PCDHGC5: variants seen among roughly 807,000 people sequenced by gnomAD.
The protein encoded by PCDHGC5 is protocadherin gamma subfamily C, 5.
A neutral mutation model predicts 59.0 loss-of-function variants in PCDHGC5; 25 were observed. The ratio of observed to expected loss-of-function variants is 0.42; its 90% CI spans 0.31 to 0.59. PCDHGC5 has a LOEUF of 0.59. Ranked by LOEUF, PCDHGC5 falls within the 20% of genes least tolerant of loss-of-function variation. PCDHGC5 has a pLI of 0.13. For missense variants in PCDHGC5, 1,067 were observed against 1,206.4 expected (o/e 0.88, Z 1.71); for synonymous variants, 434 against 505.5 (o/e 0.86, Z 1.90).
In PCDHGC5 at chr5:141,489,645, C is replaced by T; in HGVS notation, c.405C>T (p.Thr135=). 1.2e-6 allele frequency: 2 copies of T among 1,614,156 alleles called. No homozygotes were observed. The highest frequency in any genetic ancestry group is 2.7e-5 in the African/African-American group (2 of 75,022). Residue 135 remains threonine (T), a synonymous_variant, in exon 1 of 4, where the codon ACC becomes ACT. Transcript: ENST00000252087. This position sits in a 1 kb window ranked among gnomAD's most constrained non-coding sequence, Gnocchi z 4.5. ...ATGACAACTCTCCTAGCTTTGCCAC[C>T]CCTGAGCGAGAGATGCGCATCTCAG... The part of the protein sequence containing the change: ...DLNDNSPSFA[T]PEREMRISES...
intron 3 of PCDHGC5, among the ~76,000 whole-genome samples, chr5:141,510,660 G>A (rs2099882170): frequency 1.3e-5 from 2 of 152,174 alleles, no homozygotes; most frequent in East Asian, 1.9e-4. Context: ...TTTTGCAGAT[G>A]AGAAAACTGA....
chr5:141,499,836 A>G (rs2099794751), intron 2 of PCDHGC5, among the ~76,000 whole-genome samples: 1 of 151,894 alleles, frequency 6.6e-6, no homozygotes, highest in African/African-American at 2.4e-5. Flanking sequence ...ACAGGTGTGC[A>G]CCACCACACA....
chr5:141,492,332 G>A (rs2099739439), intron 1 of PCDHGC5, among the ~76,000 whole-genome samples: 1 of 152,204 alleles, frequency 6.6e-6, no homozygotes. Flanking sequence ...GGGCTTACGC[G>A]AATACCAGCT....
At chr5:141,501,510 T>G (rs11744379) in intron 2 of PCDHGC5, among the ~76,000 whole-genome samples, 29,206 of 151,772 alleles carry the variant, frequency 0.19, 2,837 homozygotes, top group Middle Eastern at 0.24. Context: ...CTCCAAGGCC[T>G]CCAAGCTGAA....
intron 1 of PCDHGC5, among the ~76,000 whole-genome samples, chr5:141,494,547 C>T (rs2099755185): frequency 6.6e-6 from 1 of 152,106 alleles, no homozygotes; most frequent in East Asian, 1.9e-4. Context: ...GAGGAAGGGG[C>T]CATTTCTTTA....
chr5:141,508,269 C>T (rs1459186158), intron 3 of PCDHGC5: 1 of 152,186 alleles, frequency 6.6e-6, no homozygotes, highest in East Asian at 1.9e-4. Flanking sequence ...GAGAAAATCC[C>T]GGTCCTTGAC....
At chr5:141,499,828 A>G (rs921957227) in intron 2 of PCDHGC5, among the ~76,000 whole-genome samples, 1 of 151,834 alleles carries the variant, frequency 6.6e-6, no homozygotes, top group Non-Finnish European at 1.5e-5. Context: ...CTAGGATTAC[A>G]GGTGTGCACC....
At chr5:141,504,303 G>A (rs1157625808) in intron 2 of PCDHGC5, among the ~76,000 whole-genome samples, 4 of 151,938 alleles carry the variant, frequency 2.6e-5, no homozygotes, top group Admixed American at 2.6e-4. Context: ...TTCAACACTC[G>A]GAGTTTCTAA....
At chr5:141,501,602 A>T (rs766918685) in intron 2 of PCDHGC5, among the ~76,000 whole-genome samples, 1 of 152,026 alleles carries the variant, frequency 6.6e-6, no homozygotes. Flanking sequence ...TACCAGTTCC[A>T]GCTGTGTGAC....
Position 141,489,361 on chromosome 5 carries a change from C to A in PCDHGC5, c.121C>A (p.Pro41Thr). ...TTACTCAGTGGTGGAGGAGTCTGAG[C>A]CGGGGACGCTGGTGGGGAATGTTGC... ...LRYSVVEESE[P>T]GTLVGNVAQD... Residue 41 changes from proline to threonine, a missense_variant, in exon 1 of 4, where the codon CCG becomes ACG. Physicochemically the swap from Pro to Thr is conservative, Grantham distance 38 (BLOSUM62 -1). Transcript: ENST00000252087. This position sits in a 1 kb window ranked among gnomAD's most constrained non-coding sequence, Gnocchi z 4.5. 1 of 1,612,880 alleles carries A rather than the reference C, an allele frequency of 6.2e-7. No individual in the cohort carries two copies. The highest frequency in any genetic ancestry group is 8.5e-7 in the Non-Finnish European group (1 of 1,179,164).
Position 141,490,749 on chromosome 5 carries a change from C to T in PCDHGC5, c.1509C>T (p.Ala503=), listed in dbSNP as rs777124697. 3.1e-6 allele frequency: 5 copies of T among 1,614,098 alleles called. No individual in the cohort carries two copies. The South Asian group carries it at 5.5e-5, about 18-fold the overall frequency. ...IVGNQVQGAP[A]SSFVYVNPED... ...GAAATCAGGTTCAGGGAGCCCCAGC[C>T]TCCTCCTTTGTGTATGTCAACCCAG... The change falls in exon 1 of 4, where the codon GCC becomes GCT. Residue 503 remains alanine, a synonymous_variant. Coordinates refer to ENST00000252087, the MANE Select transcript of PCDHGC5 (RefSeq NM_018929.3). The surrounding 1 kb of genome is among the most constrained non-coding windows in gnomAD (Gnocchi z 5.4).
intron 3 of PCDHGC5, among the ~76,000 whole-genome samples, chr5:141,509,040 C>T (rs1217864661): frequency 6.6e-6 from 1 of 152,132 alleles, no homozygotes; most frequent in African/African-American, 2.4e-5. Context: ...CAACCCCTCT[C>T]CCCCGCCCCC....
chr5:141,502,667 T>G (rs2099815574), intron 2 of PCDHGC5, among the ~76,000 whole-genome samples: 1 of 152,236 alleles, frequency 6.6e-6, no homozygotes. Context: ...TTCATGCAAT[T>G]TTAGTATTCC....
Position 141,511,042 on chromosome 5 carries a change from G to C in PCDHGC5, c.2704G>C (p.Asp902His), listed in dbSNP as rs774071540. Residue 902 changes from aspartate (D) to histidine (H), a missense_variant, in exon 4 of 4, where the codon GAC becomes CAC. Transcript: ENST00000252087. Reference sequence around the variant, plus strand: ...CCAGTTCACCCTGCAGCACGTGCCCGACTACCGCCAGAATGTCTACATCCC... The same window carrying C: ...CCAGTTCACCCTGCAGCACGTGCCCCACTACCGCCAGAATGTCTACATCCC... ...GPQFTLQHVP[D>H]YRQNVYIPGS... 6.2e-7 allele frequency: 1 copy of C among 1,614,182 alleles called. No homozygotes were observed. Among genetic ancestry groups the C allele is most frequent in the South Asian group, 1.1e-5 (1 of 91,084 alleles).
Position 141,511,178 on chromosome 5 carries a change from G to A in PCDHGC5, c.*5G>A. The A allele has an allele frequency of 6.2e-7, 1 of 1,614,090 alleles. No homozygotes were observed. Among genetic ancestry groups the A allele is most frequent in the South Asian group, 1.1e-5 (1 of 91,074 alleles). On this transcript the variant is annotated 3_prime_UTR_variant, in exon 4 of 4. Coordinates refer to ENST00000252087, the MANE Select transcript of PCDHGC5 (RefSeq NM_018929.3). ...GGCAAGAAGGAGAAGAAGTAACATG[G>A]AGGCCAGGCCAAGAGCCACAGGGCG...
intron 3 of PCDHGC5, among the ~76,000 whole-genome samples, chr5:141,509,504 C>T (rs534951697): frequency 4.7e-4 from 72 of 152,246 alleles, no homozygotes; most frequent in Non-Finnish European, 8.4e-4. Flanking sequence ...CTGGATGTGA[C>T]GGTGTTGATG....
At chr5:141,509,071 G>T (rs1209992467) in intron 3 of PCDHGC5, among the ~76,000 whole-genome samples, 1 of 152,176 alleles carries the variant, frequency 6.6e-6, no homozygotes, top group Admixed American at 6.5e-5. Flanking sequence ...CAGCTCCGGG[G>T]ATTTGCGACA....
At chr5:141,494,223 C>T (rs1435042163) in intron 1 of PCDHGC5, among the ~76,000 whole-genome samples, 2 of 152,192 alleles carry the variant, frequency 1.3e-5, no homozygotes, top group African/African-American at 4.8e-5. Context: ...TGGCATGACT[C>T]CTAAATTAAT....
chr5:141,493,289 C>T lies in PCDHGC5; in HGVS notation c.2461-1518C>T, dbSNP rs925045650. 2.6e-5 allele frequency among the ~76,000 whole-genome samples: 4 copies of T among 152,176 alleles called. No individual in the cohort carries two copies. Among genetic ancestry groups the T allele is most frequent in the Non-Finnish European group, 5.9e-5 (4 of 68,030 alleles). On this transcript the variant is annotated intron_variant, in intron 1 of 3. Coordinates refer to ENST00000252087, the MANE Select transcript of PCDHGC5 (RefSeq NM_018929.3). The surrounding 1 kb of genome is among the most constrained non-coding windows in gnomAD (Gnocchi z 4.3). ...CTTCACAGAGGTCAAGTGACTTGCT[C>T]AAGTTCACAGAGCAAGTAAGAGAGA...
Sources: gnomAD v4.1 joint callset for allele counts (sites outside exome capture counted in the v4.1 genomes callset) on GRCh38, gnomAD v4.1.1 for gene constraint, Gnocchi (gnomAD v3.1) non-coding constraint, MANE v1.5 for transcripts, NCBI Gene and HGNC (gene_info 2026-07-23, HGNC 2026-07-21) for gene names.